MCC: variants seen among roughly 807,000 people sequenced by gnomAD.
MCC encodes the protein MCC regulator of Wnt signaling pathway.
Under a neutral mutation model 116.2 loss-of-function variants are expected in MCC, and 90 were observed. That is an observed-to-expected ratio of 0.77 (90% CI 0.65 to 0.92). MCC has a LOEUF of 0.92. Ranked by LOEUF, MCC falls within the 40% of genes least tolerant of loss-of-function variation. MCC has a pLI of 0.00. For missense variants in MCC, 1,516 were observed against 1,312.2 expected, an observed-to-expected ratio of 1.16 and a Z score of -2.40; for synonymous variants, 578 against 510.5, an observed-to-expected ratio of 1.13 and a Z score of -1.78.
At chr5:113,304,560 C>T (rs181607126) in intron 3 of MCC, among the ~76,000 whole-genome samples, 6 of 152,302 alleles carry the variant, frequency 3.9e-5, no homozygotes, top group Admixed American at 3.3e-4. Context: ...TTTATGCAAG[C>T]ATCATGTGAT....
intron 2 of MCC, among the ~76,000 whole-genome samples, chr5:113,341,164 CTCCTTCCTTCCTTCCTT>C (rs1250179309): frequency 1.3e-5 from 2 of 151,908 alleles, no homozygotes; most frequent in Admixed American, 6.6e-5. Flanking sequence ...CTCTCTTTTT[CTCCTTCCTTCCTTCCTT>C]TCCTTCCTTC....
chr5:113,035,288 A>G (rs1354735684), intron 17 of MCC, among the ~76,000 whole-genome samples: 1 of 152,124 alleles, frequency 6.6e-6, no homozygotes, highest in Non-Finnish European at 1.5e-5. Flanking sequence ...GTTCAACAGC[A>G]AACTCTATCT....
At position 113,049,263 on chromosome 5, in the gene MCC, G is replaced by C. The variant is rs1320343652; in HGVS notation, c.2485C>G (p.Leu829Val). The change falls in exon 16 of 19, where the codon CTG (leucine) becomes GTG (valine). Residue 829 changes from leucine to valine, a missense_variant. Transcript: ENST00000408903. ...TCCAGGGCCTTCTTCTCTTTCTCCAGTAGGTAGAGCTGGGCCTTCAACTCG... is the reference window on the plus strand; with the variant it reads ...TCCAGGGCCTTCTTCTCTTTCTCCACTAGGTAGAGCTGGGCCTTCAACTCG... ...MAELKAQLYLLEKEKKALELK... is the reference protein window; with the variant it reads ...MAELKAQLYLVEKEKKALELK... 40 of 1,610,670 alleles carry C rather than the reference G, an allele frequency of 2.5e-5. No individual in the cohort carries two copies. Among genetic ancestry groups the C allele is most frequent in the Non-Finnish European group, 3.4e-5 (40 of 1,178,460 alleles).
At chr5:113,247,264 T>G (rs140382192) in intron 3 of MCC, among the ~76,000 whole-genome samples, 289 of 152,260 alleles carry the variant, frequency 1.9e-3, no homozygotes, top group African/African-American at 6.8e-3. Flanking sequence ...TGAAGGCAGG[T>G]GCATTCAGTG....
chr5:113,206,936 G>A (rs541108006), intron 3 of MCC, among the ~76,000 whole-genome samples: 12 of 152,290 alleles, frequency 7.9e-5, no homozygotes, highest in East Asian at 7.7e-4. Context: ...ATTACAGAGC[G>A]ATGAAATGAT....
intron 1 of MCC, among the ~76,000 whole-genome samples, chr5:113,417,866 A>G (rs1215958444): frequency 1.3e-5 from 2 of 152,082 alleles, no homozygotes; most frequent in Non-Finnish European, 2.9e-5. Context: ...CCGGGAGATC[A>G]AGGCTACAGT....
intron 2 of MCC, among the ~76,000 whole-genome samples, chr5:113,374,219 T>TG (rs35727000): frequency 0.092 from 13,906 of 150,828 alleles, 977 homozygotes; most frequent in Non-Finnish European, 0.12. Flanking sequence ...TTTTTTTTGT[T>TG]TTTTTTTTTA....
intron 3 of MCC, among the ~76,000 whole-genome samples, chr5:113,315,108 C>A (rs1231539711): frequency 1.3e-5 from 2 of 152,200 alleles, no homozygotes; most frequent in African/African-American, 4.8e-5. Flanking sequence ...TCAGTATTCA[C>A]GTTCTTGGCA....
chr5:113,309,166 T>C (rs1012906425), intron 3 of MCC, among the ~76,000 whole-genome samples: 3 of 152,246 alleles, frequency 2.0e-5, no homozygotes, highest in Non-Finnish European at 4.4e-5. Context: ...ACTCTCTGAA[T>C]ATGAAACCCA....
chr5:113,364,801 T>C (rs1768645079), intron 2 of MCC, among the ~76,000 whole-genome samples: 2 of 152,226 alleles, frequency 1.3e-5, no homozygotes, highest in African/African-American at 4.8e-5. Context: ...CACCAAGGCA[T>C]ATGGCTTGCA....
intron 8 of MCC, among the ~76,000 whole-genome samples, chr5:113,090,871 T>C (rs143990553): frequency 4.6e-5 from 7 of 152,322 alleles, no homozygotes; most frequent in Non-Finnish European, 7.4e-5. Flanking sequence ...AATAAATTCA[T>C]TGCCAAGGTC....
intron 8 of MCC, among the ~76,000 whole-genome samples, chr5:113,090,789 C>T (rs985318870): frequency 1.3e-5 from 2 of 152,196 alleles, no homozygotes; most frequent in Non-Finnish European, 2.9e-5. Flanking sequence ...CATATGACAG[C>T]TTCAGCTAAA....
chr5:113,025,256 T>TTTG lies in MCC; in HGVS notation c.*2045_*2046insCAA, dbSNP rs1026105264. The stretch of plus-strand genomic sequence containing the variant: ...TAGTGAAAACTGATTTTTTTTTTTT[T>TTTG]GGGGCATATGTTTTTCAGCCAAAAC... On this transcript the variant is annotated 3_prime_UTR_variant, in exon 19 of 19. Transcript: ENST00000408903. 4.0e-5 allele frequency: 6 copies of TTTG among 151,136 alleles called. No homozygotes were observed. The highest frequency in any genetic ancestry group is 5.9e-5 in the Non-Finnish European group (4 of 67,776). 9.4% of individuals were successfully genotyped at this position (151,136 alleles called of 1,614,324 possible).
intron 16 of MCC, among the ~76,000 whole-genome samples, chr5:113,047,082 C>T (rs377636788): frequency 6.6e-6 from 1 of 152,210 alleles, no homozygotes; most frequent in African/African-American, 2.4e-5. Flanking sequence ...CCACTTTCCA[C>T]TGGGGCTCAG....
Position 113,022,918 on chromosome 5 carries a change from T to TAAAC in MCC, c.*4380_*4383dup, listed in dbSNP as rs199802590. 20 of 152,350 alleles carry TAAAC rather than the reference T, an allele frequency of 1.3e-4. No homozygotes were observed. The East Asian group carries it at 2.7e-3, about 21-fold the overall frequency. The allele number at this position is 152,350 out of a possible 1,614,324, so 9.4% of individuals were successfully genotyped here. On this transcript the variant is annotated 3_prime_UTR_variant, in exon 19 of 19. Coordinates refer to ENST00000408903, the MANE Select transcript of MCC (RefSeq NM_001085377.2). ...AAAATCTCACCCAGATGTAATGTGA[T>TAAAC]AAACAAACAGTTTACCCAGTGTAAC...
intron 1 of MCC, among the ~76,000 whole-genome samples, chr5:113,471,488 T>C (rs919207972): frequency 3.6e-4 from 55 of 152,208 alleles, no homozygotes; most frequent in African/African-American, 1.3e-3. Context: ...GAGCAGCGGA[T>C]ACTGGTGAAC....
intron 3 of MCC, among the ~76,000 whole-genome samples, chr5:113,197,427 G>A (rs1253679266): frequency 6.6e-6 from 1 of 152,068 alleles, no homozygotes; most frequent in East Asian, 1.9e-4. Flanking sequence ...TTGTGGTGAT[G>A]GACACACAAC....
At position 113,061,419 on chromosome 5, in the gene MCC, C is replaced by G. The variant is rs144090262; in HGVS notation, c.2213+2565G>C. On this transcript the variant is annotated intron_variant, in intron 14 of 18. Coordinates refer to ENST00000408903, the MANE Select transcript of MCC (RefSeq NM_001085377.2). ...GACCAAGGATTCCTATTTCCACTTC[C>G]TAACATTTTAGTCCTTGTGCCTCTT... is the stretch of plus-strand genomic sequence containing the variant. Among the ~76,000 whole-genome samples, 717 of 152,328 alleles carry G rather than the reference C, an allele frequency of 4.7e-3. 4 individuals carry two copies. The highest frequency in any genetic ancestry group is 0.012 in the Admixed American group (183 of 15,302).
intron 3 of MCC, among the ~76,000 whole-genome samples, chr5:113,233,094 C>T (rs1178217621): frequency 1.3e-5 from 2 of 152,140 alleles, no homozygotes; most frequent in Non-Finnish European, 2.9e-5. Context: ...ACCTGACTAT[C>T]ACTAATATTA....
Sources: gnomAD v4.1 joint callset for allele counts (sites outside exome capture counted in the v4.1 genomes callset) on GRCh38, gnomAD v4.1.1 for gene constraint, MANE v1.5 for transcripts, NCBI Gene and HGNC (gene_info 2026-07-23, HGNC 2026-07-21) for gene names.